The following SLC22A25 variants were observed in gnomAD, a reference collection of about 807,000 sequenced individuals.
The protein encoded by SLC22A25 is solute carrier family 22 member 25.
A neutral mutation model predicts 45.9 loss-of-function variants in SLC22A25; 44 were observed. That is an observed-to-expected ratio of 0.96 (90% CI 0.75 to 1.23). SLC22A25 has a LOEUF of 1.23. SLC22A25 is among the 50% of genes most tolerant of loss of function. The probability of loss-of-function intolerance (pLI) is 0.00; values close to 1 mark genes in which losing one functional copy is unlikely to be tolerated. For synonymous variants in SLC22A25, 283 were observed against 238.6 expected (o/e 1.19, Z -1.72); for missense variants, 800 against 666.4 (o/e 1.20, Z -2.21).
chr11:63,207,099 A>G (rs1183795168), intron 7 of SLC22A25, among the ~76,000 whole-genome samples: 1 of 151,222 alleles, frequency 6.6e-6, no homozygotes, highest in Non-Finnish European at 1.5e-5. Flanking sequence ...TGAGGGGTCC[A>G]CCTTATACAA....
intron 9 of SLC22A25, among the ~76,000 whole-genome samples, chr11:63,169,579 A>C (rs1480739944): frequency 6.6e-6 from 1 of 152,234 alleles, no homozygotes; most frequent in Admixed American, 6.5e-5. Flanking sequence ...AGGGCATTAC[A>C]TAATGATAAA....
intron 9 of SLC22A25, among the ~76,000 whole-genome samples, chr11:63,174,359 G>A (rs2088008035): frequency 6.6e-6 from 1 of 152,138 alleles, no homozygotes; most frequent in South Asian, 2.1e-4. Context: ...CAGTGGCAGA[G>A]CAATGGTCAG....
chr11:63,224,667 G>T (rs2089920368), intron 5 of SLC22A25, among the ~76,000 whole-genome samples: 1 of 152,136 alleles, frequency 6.6e-6, no homozygotes. Context: ...ATTTTAAACT[G>T]ATAGTTAATA....
intron 3 of SLC22A25, among the ~76,000 whole-genome samples, chr11:63,237,302 A>G (rs187407704): frequency 5.8e-4 from 89 of 152,340 alleles, no homozygotes; most frequent in African/African-American, 2.0e-3. Flanking sequence ...TACCCTCTGT[A>G]TATAAAATAT....
chr11:63,165,243 CA>C (rs2087639072), intron 10 of SLC22A25, among the ~76,000 whole-genome samples: 1 of 152,070 alleles, frequency 6.6e-6, no homozygotes, highest in Admixed American at 6.6e-5. Context: ...CCAATTAAAA[CA>C]AAAAGATCAT....
intron 7 of SLC22A25, among the ~76,000 whole-genome samples, chr11:63,213,778 C>T (rs771552577): frequency 1.1e-4 from 17 of 152,110 alleles, no homozygotes; most frequent in Non-Finnish European, 2.1e-4. Context: ...GAAGTGTTCT[C>T]GAGCCGGGAA....
intron 5 of SLC22A25, among the ~76,000 whole-genome samples, chr11:63,227,600 A>C (rs2089987678): frequency 6.6e-6 from 1 of 152,118 alleles, no homozygotes; most frequent in Admixed American, 6.5e-5. Context: ...TGCAAGGTGC[A>C]TTGTCTGTGG....
chr11:63,175,567 C>T (rs1274173743), intron 9 of SLC22A25, among the ~76,000 whole-genome samples: 1 of 151,982 alleles, frequency 6.6e-6, no homozygotes, highest in South Asian at 2.1e-4. Context: ...CCTTTTCATT[C>T]TATTATTTCC....
intron 7 of SLC22A25, among the ~76,000 whole-genome samples, chr11:63,202,372 C>A (rs2089273748): frequency 6.6e-6 from 1 of 152,138 alleles, no homozygotes. Flanking sequence ...GATCCCACCC[C>A]CATGGAGCCA....
chr11:63,179,732 A>C (rs1175796454), intron 9 of SLC22A25, among the ~76,000 whole-genome samples: 2 of 152,170 alleles, frequency 1.3e-5, no homozygotes, highest in Non-Finnish European at 2.9e-5. Flanking sequence ...TATCAGACAC[A>C]TACTGAGCTC....
intron 7 of SLC22A25, among the ~76,000 whole-genome samples, chr11:63,185,063 G>A (rs550978891): frequency 6.6e-6 from 1 of 152,126 alleles, no homozygotes; most frequent in Non-Finnish European, 1.5e-5. Context: ...TCATAGAGTA[G>A]AACGTAACTG....
chr11:63,188,115 G>A (rs556649277), intron 7 of SLC22A25, among the ~76,000 whole-genome samples: 1 of 152,282 alleles, frequency 6.6e-6, no homozygotes, highest in African/African-American at 2.4e-5. Flanking sequence ...GTTTCAGAAG[G>A]AATGATACCA....
At chr11:63,197,062 C>T (rs182849778) in intron 7 of SLC22A25, among the ~76,000 whole-genome samples, 5 of 152,108 alleles carry the variant, frequency 3.3e-5, no homozygotes, top group African/African-American at 1.2e-4. Flanking sequence ...TGTGAAGGAC[C>T]TTTTCAAGGA....
At chr11:63,196,206 C>G (rs2089022675) in intron 7 of SLC22A25, among the ~76,000 whole-genome samples, 1 of 152,182 alleles carries the variant, frequency 6.6e-6, no homozygotes, top group Non-Finnish European at 1.5e-5. Context: ...TCTTCTGAAA[C>G]TATTCCAATC....
intron 7 of SLC22A25, among the ~76,000 whole-genome samples, chr11:63,203,987 G>A (rs925758219): frequency 6.6e-6 from 1 of 152,176 alleles, no homozygotes; most frequent in African/African-American, 2.4e-5. Flanking sequence ...AGCCAGAAGA[G>A]AGTGGGAGCC....
chr11:63,206,203 G>A (rs1004855789), intron 7 of SLC22A25, among the ~76,000 whole-genome samples: 2 of 152,180 alleles, frequency 1.3e-5, no homozygotes, highest in African/African-American at 4.8e-5. Flanking sequence ...AAAGCTGGAA[G>A]CATTCCCTTT....
chr11:63,208,685 T>C (rs2089474165), intron 7 of SLC22A25, among the ~76,000 whole-genome samples: 1 of 152,018 alleles, frequency 6.6e-6, no homozygotes, highest in Non-Finnish European at 1.5e-5. Context: ...AGAGACAGTG[T>C]TGGGAGAGGC....
At position 63,163,930 on chromosome 11, in the gene SLC22A25, A is replaced by G. The variant is rs200844376; in HGVS notation, c.1538T>C (p.Leu513Pro). The G allele has an allele frequency of 1.2e-6, 2 of 1,613,838 alleles. No homozygotes were observed. Among genetic ancestry groups the G allele is most frequent in the Non-Finnish European group, 8.5e-7 (1 of 1,179,924 alleles). Reference sequence around the variant, plus strand: ...CTGGTTCCTGGTTTCAGGAAGGAGGAGGACAACAAGGCCAGAGAGGATGGC... The same window carrying G: ...CTGGTTCCTGGTTTCAGGAAGGAGGGGGACAACAAGGCCAGAGAGGATGGC... ...VFAILSGLVV[L>P]LLPETRNQPL... Residue 513 changes from leucine (L) to proline (P), a missense_variant, in exon 12 of 12, where the codon CTC becomes CCC. Leu to Pro is a moderately conservative substitution (Grantham distance 98). Transcript: ENST00000306494.
chr11:63,229,393 T>A lies in SLC22A25; in HGVS notation c.260A>T (p.Lys87Met), dbSNP rs143454012. The stretch of plus-strand genomic sequence containing the variant: ...CTGGGGATGGACAAAGCGACGACAC[T>A]TCTCTGGCCTCAGATTTGAGTCGAA... Reference protein sequence around the residue: ...IPFDSNLRPEKCRRFVHPQWK... With the variant: ...IPFDSNLRPEMCRRFVHPQWK... Residue 87 changes from lysine to methionine, a missense_variant, in exon 4 of 12, where the codon AAG becomes ATG. Transcript: ENST00000306494. 7.1e-4 allele frequency: 1,153 copies of A among 1,614,124 alleles called. 7 individuals are homozygous for A. The highest frequency in any genetic ancestry group is 5.8e-3 in the East Asian group (262 of 44,876).
Sources: gnomAD v4.1 joint callset for allele counts (sites outside exome capture counted in the v4.1 genomes callset) on GRCh38, gnomAD v4.1.1 for gene constraint, MANE v1.5 for transcripts, NCBI Gene and HGNC (gene_info 2026-07-23, HGNC 2026-07-21) for gene names.